The following SPAST variants were observed in gnomAD, a reference collection of about 807,000 sequenced individuals.
SPAST encodes spastic paraplegia 4 (autosomal dominant; spastin).
SPAST carries 30 observed loss-of-function variants against 76.6 expected under a neutral mutation model. The observed-to-expected ratio is 0.39, with a 90% CI of 0.29 to 0.53. The LOEUF is 0.53. Ranked by LOEUF, SPAST falls within the 20% of genes least tolerant of loss-of-function variation. The pLI is 0.68. For missense variants in SPAST, 717 were observed against 770.5 expected, an observed-to-expected ratio of 0.93 and a Z score of 0.82; for synonymous variants, 305 against 281.0, an observed-to-expected ratio of 1.09 and a Z score of -0.86.
chr2:32,100,555 C>T (rs1045598051), intron 4 of SPAST, among the ~76,000 whole-genome samples: 4 of 152,004 alleles, frequency 2.6e-5, no homozygotes, highest in Non-Finnish European at 5.9e-5. Context: ...TGGTGTGCCG[C>T]ACCCATTAAC....
At chr2:32,132,138 C>T (rs1418005579) in intron 9 of SPAST, among the ~76,000 whole-genome samples, 6 of 152,040 alleles carry the variant, frequency 3.9e-5, no homozygotes, top group Non-Finnish European at 7.4e-5. Flanking sequence ...GCCTGTAATC[C>T]CAGCACTTTG....
intron 12 of SPAST, among the ~76,000 whole-genome samples, chr2:32,140,399 G>A (rs1199846215): frequency 6.6e-6 from 1 of 152,124 alleles, no homozygotes; most frequent in East Asian, 1.9e-4. Flanking sequence ...GGCAAGGACA[G>A]ACCACTTGAG....
rs746506445 is a variant in SPAST at position 32,154,532 on chromosome 2, TAAA to T, written c.*38_*40del. 6.2e-7 allele frequency: 1 copy of T among 1,608,308 alleles called. No individual in the cohort carries two copies. The highest frequency in any genetic ancestry group is 1.1e-5 in the South Asian group (1 of 90,930). ...TTGTAAACCTGCAGAACATTTTACT[TAAA>T]AGAGGAAACACAAGATCTTCAATGA... On this transcript the variant is annotated 3_prime_UTR_variant, in exon 17 of 17. Coordinates refer to ENST00000315285, the MANE Select transcript of SPAST (RefSeq NM_014946.4).
intron 1 of SPAST, among the ~76,000 whole-genome samples, 176 bp from the exon 2 acceptor site, chr2:32,087,316 C>G (rs1179568577): frequency 6.6e-6 from 1 of 151,970 alleles, no homozygotes; most frequent in Non-Finnish European, 1.5e-5. Context: ...GACCATATTC[C>G]CCATAATGGA....
At position 32,154,522 on chromosome 2, in the gene SPAST, A is replaced by G; in HGVS notation, c.*26A>G. The G allele has an allele frequency of 6.2e-7, 1 of 1,611,616 alleles. No individual in the cohort carries two copies. The highest frequency in any genetic ancestry group is 8.5e-7 in the Non-Finnish European group (1 of 1,177,862). On this transcript the variant is annotated 3_prime_UTR_variant, in exon 17 of 17. Transcript: ENST00000315285. Reference sequence around the variant, plus strand: ...GGAAATACCTTTGTAAACCTGCAGAACATTTTACTTAAAAGAGGAAACACA... The same window carrying G: ...GGAAATACCTTTGTAAACCTGCAGAGCATTTTACTTAAAAGAGGAAACACA...
chr2:32,131,403 A>G (rs894259646), intron 9 of SPAST, among the ~76,000 whole-genome samples: 3 of 152,186 alleles, frequency 2.0e-5, no homozygotes, highest in African/African-American at 7.2e-5. Context: ...TGTCACCTCC[A>G]CTAGAAGATG....
chr2:32,147,205 T>C lies in SPAST; in HGVS notation c.1688-13T>C, dbSNP rs1181348719. On this transcript the variant is annotated splice_polypyrimidine_tract_variant and intron_variant, in intron 15 of 16. Coordinates refer to ENST00000315285, the MANE Select transcript of SPAST (RefSeq NM_014946.4). ...GTATGTATTTTTAAGTGCCTGACTT[T>C]TATGTTTTACAGAACTAAAACCAGA... The C allele has an allele frequency of 3.7e-6, 6 of 1,604,472 alleles. No homozygotes were observed. The highest frequency in any genetic ancestry group is 5.1e-6 in the Non-Finnish European group (6 of 1,171,528).
chr2:32,124,575 T>TA (rs1435720468), intron 7 of SPAST, among the ~76,000 whole-genome samples: 2 of 151,896 alleles, frequency 1.3e-5, no homozygotes, highest in East Asian at 1.9e-4. Flanking sequence ...GTACATCCAA[T>TA]AAAAAAAACT....
chr2:32,090,564 C>A (rs1182391848), intron 3 of SPAST, among the ~76,000 whole-genome samples: 1 of 152,132 alleles, frequency 6.6e-6, no homozygotes. Context: ...AATGCAATTT[C>A]CAAATTTCTA....
At chr2:32,085,778 C>T (rs976132238) in intron 1 of SPAST, among the ~76,000 whole-genome samples, 4 of 151,820 alleles carry the variant, frequency 2.6e-5, no homozygotes, top group Middle Eastern at 3.4e-3. Context: ...GGCTCGTGAG[C>T]GCCTGTAATC....
intron 12 of SPAST, among the ~76,000 whole-genome samples, chr2:32,140,091 C>T (rs143652469): frequency 2.0e-5 from 3 of 152,174 alleles, no homozygotes; most frequent in African/African-American, 4.8e-5. Context: ...TGTTATGTTG[C>T]GTCCTTTTGT....
rs1558620172 is a variant in SPAST at position 32,083,760 on chromosome 2, A to AT, written c.416-3731dup. On this transcript the variant is annotated intron_variant, in intron 1 of 16. Coordinates refer to ENST00000315285, the MANE Select transcript of SPAST (RefSeq NM_014946.4). ...ATATATTTATATATACTATATATAT[A>AT]TATATATATATATATATTTTTTTTT... is the stretch of plus-strand genomic sequence containing the variant. 3.5e-4 allele frequency among the ~76,000 whole-genome samples: 15 copies of AT among 42,838 alleles called. 1 individual carries two copies. The highest frequency in any genetic ancestry group is 1.2e-3 in the East Asian group (2 of 1,708). 28.1% of individuals were successfully genotyped at this position (42,838 alleles called of 152,430 possible).
chr2:32,098,677 T>C, intron 3 of SPAST, 119 bp from the exon 4 acceptor site: 1 of 648,086 alleles, frequency 1.5e-6, no homozygotes, highest in Non-Finnish European at 2.7e-6. Flanking sequence ...AAACTTTTTA[T>C]CATGTAACAA....
chr2:32,083,934 A>G (rs1677368212), intron 1 of SPAST, among the ~76,000 whole-genome samples: 1 of 150,286 alleles, frequency 6.7e-6, no homozygotes, highest in Non-Finnish European at 1.5e-5. Flanking sequence ...ACATGCCACC[A>G]TGCCCGGCTA....
chr2:32,126,864 GA>G, intron 7 of SPAST, 83 bp from the exon 8 acceptor site: 2 of 881,010 alleles, frequency 2.3e-6, no homozygotes, highest in Non-Finnish European at 3.8e-6. Context: ...AGATGCTACT[GA>G]AAAAAGGATG....
intron 7 of SPAST, among the ~76,000 whole-genome samples, chr2:32,116,470 T>A (rs1326488395): frequency 2.0e-5 from 3 of 152,148 alleles, no homozygotes; most frequent in Non-Finnish European, 4.4e-5. Flanking sequence ...TATAATTTTG[T>A]TTTGTTTTGG....
At chr2:32,102,761 A>C (rs376755868) in intron 4 of SPAST, among the ~76,000 whole-genome samples, 2 of 152,102 alleles carry the variant, frequency 1.3e-5, no homozygotes, top group African/African-American at 2.4e-5. Flanking sequence ...TGTTTATATG[A>C]TGGATTACGT....
At chr2:32,125,313 T>C (rs1679152165) in intron 7 of SPAST, among the ~76,000 whole-genome samples, 1 of 152,138 alleles carries the variant, frequency 6.6e-6, no homozygotes, top group Non-Finnish European at 1.5e-5. Context: ...AACCTCCGCC[T>C]CCAGGGTTCA....
chr2:32,129,569 T>C (rs17011828), intron 9 of SPAST: 2,961 of 152,332 alleles, frequency 0.019, 37 homozygotes, highest in Middle Eastern at 0.044. Flanking sequence ...TGTGTAAATA[T>C]AACTGGTGCA....
Sources: gnomAD v4.1 joint callset for allele counts (sites outside exome capture counted in the v4.1 genomes callset) on GRCh38, gnomAD v4.1.1 for gene constraint, MANE v1.5 for transcripts, NCBI Gene and HGNC (gene_info 2026-07-23, HGNC 2026-07-21) for gene names.